Variants in ASTN2 observed in about 807,000 individuals in gnomAD.
ASTN2 encodes astrotactin-2.
In ASTN2, 54 loss-of-function variants were observed where a neutral mutation model predicts 139.8. The ratio of observed to expected loss-of-function variants is 0.39; its 90% CI spans 0.31 to 0.48. The LOEUF (loss-of-function observed/expected upper bound fraction) is 0.48, where lower values mean the gene tolerates loss of function less well. Among genes scored for constraint, ASTN2 ranks in the 20% least tolerant of loss-of-function variants. The pLI is 0.95. For missense variants in ASTN2, 1,565 were observed against 1,725.1 expected (o/e 0.91, Z 1.64); for synonymous variants, 756 against 719.5 (o/e 1.05, Z -0.81).
At chr9:117,128,278 G>C (rs1829745949) in intron 4 of ASTN2, among the ~76,000 whole-genome samples, 1 of 150,940 alleles carries the variant, frequency 6.6e-6, no homozygotes, top group Middle Eastern at 3.4e-3. Context: ...GGAGGCTGAG[G>C]CAGGAGAATT....
intron 10 of ASTN2, among the ~76,000 whole-genome samples, chr9:116,969,915 T>C (rs1588448808): frequency 6.6e-6 from 1 of 152,210 alleles, no homozygotes; most frequent in East Asian, 1.9e-4. Context: ...CAACCAGAAA[T>C]CTGAAATCGG....
chr9:117,010,884 G>A (rs1157871979), intron 6 of ASTN2, among the ~76,000 whole-genome samples: 3 of 152,120 alleles, frequency 2.0e-5, no homozygotes, highest in East Asian at 1.9e-4. Flanking sequence ...TCCTCACATT[G>A]GCCAGTCATA....
At chr9:116,949,154 A>G (rs1258421718) in intron 10 of ASTN2, among the ~76,000 whole-genome samples, 1 of 152,034 alleles carries the variant, frequency 6.6e-6, no homozygotes, top group East Asian at 1.9e-4. Context: ...CAAACTCTTA[A>G]TATACACTCT....
At chr9:116,725,733 T>C (rs1409363078) in intron 16 of ASTN2, 38 bp downstream of exon 16, 2 of 1,597,306 alleles carry the variant, frequency 1.3e-6, no homozygotes, top group Admixed American at 3.4e-5. Context: ...CTCTATAGCC[T>C]GCCTGGCCAC....
chr9:117,005,091 T>TTC lies in ASTN2; in HGVS notation c.1591+3000_1591+3001insGA, dbSNP rs1481446266. On this transcript the variant is annotated intron_variant, in intron 7 of 22. Transcript: ENST00000313400. ...TGGACCTGTAGTCGATTTTTTTTTT[T>TTC]TTTTTTTTTTTTTGAGACACAGTCT... 2.9e-4 allele frequency among the ~76,000 whole-genome samples: 40 copies of TTC among 139,994 alleles called. 1 individual carries two copies. Among genetic ancestry groups the TTC allele is most frequent in the African/African-American group, 1.0e-3 (39 of 37,216 alleles). The allele number at this position is 139,994 out of a possible 152,430, so 91.8% of individuals were successfully genotyped here.
intron 17 of ASTN2, among the ~76,000 whole-genome samples, chr9:116,645,050 A>C (rs1352966292): frequency 6.6e-6 from 1 of 152,188 alleles, no homozygotes; most frequent in African/African-American, 2.4e-5. Flanking sequence ...CCCAACCCTG[A>C]GATGAAAAGG....
chr9:116,759,687 C>T (rs1444334293), intron 13 of ASTN2, among the ~76,000 whole-genome samples: 2 of 152,184 alleles, frequency 1.3e-5, no homozygotes, highest in African/African-American at 4.8e-5. Context: ...GCAAAACTTT[C>T]CAATTCCTTA....
At chr9:116,814,711 G>C (rs1284632452) in intron 12 of ASTN2, among the ~76,000 whole-genome samples, 1 of 152,122 alleles carries the variant, frequency 6.6e-6, no homozygotes, top group Non-Finnish European at 1.5e-5. Context: ...ACTATCCCCA[G>C]GCACACTGGG....
chr9:116,966,325 A>G, intron 10 of ASTN2, among the ~76,000 whole-genome samples: 1 of 152,190 alleles, frequency 6.6e-6, no homozygotes, highest in Non-Finnish European at 1.5e-5. Flanking sequence ...GTTCCCCTTT[A>G]TCCAGCCTGG....
chr9:116,619,290 G>A (rs190155482), intron 18 of ASTN2, among the ~76,000 whole-genome samples: 4 of 152,054 alleles, frequency 2.6e-5, no homozygotes, highest in African/African-American at 7.2e-5. Flanking sequence ...TGCTTGCAAC[G>A]ACAATGACTT....
chr9:117,150,747 T>C (rs962906899), intron 3 of ASTN2, among the ~76,000 whole-genome samples: 10 of 152,254 alleles, frequency 6.6e-5, no homozygotes, highest in African/African-American at 2.2e-4. Context: ...CAGACTGGAG[T>C]GCAGTGGTGC....
intron 13 of ASTN2, among the ~76,000 whole-genome samples, chr9:116,738,037 A>C (rs1252694048): frequency 1.3e-5 from 2 of 151,530 alleles, no homozygotes; most frequent in African/African-American, 2.4e-5. Context: ...CTAAAAATAC[A>C]AAAAATTAGC....
intron 16 of ASTN2, among the ~76,000 whole-genome samples, chr9:116,682,638 A>T (rs1479864289): frequency 6.6e-6 from 1 of 152,238 alleles, no homozygotes; most frequent in Non-Finnish European, 1.5e-5. Context: ...AATGTCCAAC[A>T]ATGATAGACT....
chr9:116,719,535 A>G (rs1828414902), intron 16 of ASTN2, among the ~76,000 whole-genome samples: 1 of 152,150 alleles, frequency 6.6e-6, no homozygotes, highest in Non-Finnish European at 1.5e-5. Context: ...TTCTCACTAG[A>G]ACACTAGAAA....
At chr9:117,071,395 G>A (rs1437322079) in intron 5 of ASTN2, among the ~76,000 whole-genome samples, 1 of 151,518 alleles carries the variant, frequency 6.6e-6, no homozygotes, top group Non-Finnish European at 1.5e-5. Context: ...CGTGCTGGGA[G>A]AACCACTGCT....
chr9:117,188,710 T>A (rs941541360), intron 3 of ASTN2, among the ~76,000 whole-genome samples: 1 of 152,190 alleles, frequency 6.6e-6, no homozygotes, highest in Middle Eastern at 3.2e-3. Flanking sequence ...ATAAACAACT[T>A]GTTTAAGGTA....
intron 6 of ASTN2, among the ~76,000 whole-genome samples, chr9:117,010,768 A>G (rs1017643775): frequency 1.3e-5 from 2 of 152,202 alleles, no homozygotes; most frequent in African/African-American, 4.8e-5. Context: ...AGGAGAGGTC[A>G]AACTGACATA....
chr9:116,544,002 C>T (rs543263122), intron 19 of ASTN2, among the ~76,000 whole-genome samples: 1 of 152,184 alleles, frequency 6.6e-6, no homozygotes, highest in East Asian at 1.9e-4. Context: ...TAGAACATAA[C>T]ATTGTCTAGT....
At chr9:117,163,518 T>C (rs1363063193) in intron 3 of ASTN2, among the ~76,000 whole-genome samples, 1 of 152,112 alleles carries the variant, frequency 6.6e-6, no homozygotes, top group Non-Finnish European at 1.5e-5. Context: ...TCTCATACTA[T>C]TTTTGTAATA....
Sources: allele counts gnomAD v4.1 joint callset (sites outside exome capture counted in the v4.1 genomes callset), GRCh38; gene constraint gnomAD v4.1.1; transcripts MANE v1.5; gene names NCBI Gene and HGNC (gene_info 2026-07-23, HGNC 2026-07-21).